MPZ: variants seen among roughly 807,000 people sequenced by gnomAD.
The protein encoded by MPZ is myelin protein P0.
A neutral mutation model predicts 27.9 loss-of-function variants in MPZ; 13 were observed. The ratio of observed to expected loss-of-function variants is 0.47; its 90% CI spans 0.30 to 0.74. MPZ has a LOEUF of 0.74. MPZ is among the 30% of genes least tolerant of loss of function. MPZ has a pLI of 0.06. For missense variants in MPZ, 256 were observed against 317.5 expected (o/e 0.81, Z 1.47); for synonymous variants, 118 against 128.9 (o/e 0.92, Z 0.57).
chr1:161,309,552 A>ATTTTTTTTTTTTTTTTTTTTTT (rs1215409194), intron 1 of MPZ, among the ~76,000 whole-genome samples: 2 of 80,662 alleles, frequency 2.5e-5, no homozygotes, highest in African/African-American at 5.8e-5. Flanking sequence ...ATATATATAT[A>ATTTTTTTTTTTTTTTTTTTTTT]TTTTTTTTTT....
chr1:161,307,236 C>T, intron 2 of MPZ, 22 bp downstream of exon 2: 2 of 1,614,158 alleles, frequency 1.2e-6, no homozygotes, highest in Admixed American at 1.7e-5. Flanking sequence ...TATCCAACCC[C>T]AGGATTCCCC....
intron 1 of MPZ, among the ~76,000 whole-genome samples, chr1:161,308,521 T>A (rs1462825811): frequency 6.6e-6 from 1 of 152,154 alleles, no homozygotes; most frequent in Admixed American, 6.5e-5. Context: ...AAAGTTCCAT[T>A]GTCTGACCAA....
In MPZ at chr1:161,306,893, T is replaced by A. The variant is rs1553259700; in HGVS notation, c.263A>T (p.Tyr88Phe). Residue 88 changes from tyrosine to phenylalanine, a missense_variant, in exon 3 of 6, where the codon TAC becomes TTC. Physicochemically the swap from Tyr to Phe is conservative, Grantham distance 22 (BLOSUM62 3). Around this residue, in one of 2 missense-constraint regions of MPZ, gnomAD observed 155 missense variants for 223.9 expected, o/e 0.69. Transcript: ENST00000533357. ...SIFHYAKGQPYIDEVGTFKER... is the reference protein window; with the variant it reads ...SIFHYAKGQPFIDEVGTFKER... ...TTTGAAGGTCCCCACCTCGTCAATG[T>A]AGGGTTGTCCCTTGGCATAGTGGAA... 1 of 1,613,384 alleles carries A rather than the reference T, an allele frequency of 6.2e-7. No individual in the cohort carries two copies. Among genetic ancestry groups the A allele is most frequent in the East Asian group, 2.2e-5 (1 of 44,828 alleles).
Position 161,306,778 on chromosome 1 carries a change from A to G in MPZ, c.378T>C (p.Thr126=), listed in dbSNP as rs1202048224. ...NLDYSDNGTF[T]CDVKNPPDIV... ...TGTCTGGAGGGTTTTTGACGTCACA[A>G]GTGAACGTGCCATTGTCACTGTAGT... The change falls in exon 3 of 6, where the codon ACT becomes ACC. Residue 126 remains threonine (T), a synonymous_variant. Coordinates refer to ENST00000533357, the MANE Select transcript of MPZ (RefSeq NM_000530.8). The G allele has an allele frequency of 6.2e-7, 1 of 1,614,072 alleles. No individual in the cohort carries two copies. The highest frequency in any genetic ancestry group is 8.5e-7 in the Non-Finnish European group (1 of 1,180,024).
At position 161,306,409 on chromosome 1, in the gene MPZ, C is replaced by T. The variant is rs145592910; in HGVS notation, c.504G>A (p.Val168=). The T allele has an allele frequency of 1.3e-4, 206 of 1,614,198 alleles. No individual in the cohort carries two copies. The African/African-American group carries it at 2.5e-3, about 20-fold the overall frequency. ...AGAAAAGCAGCAGCAGCAACAGCACCACCCCGAGGACACCCCCGATCACAG... is the reference window on the plus strand; with the variant it reads ...AGAAAAGCAGCAGCAGCAACAGCACTACCCCGAGGACACCCCCGATCACAG... ...LGAVIGGVLG[V]VLLLLLLFYV... is the part of the protein sequence containing the mutation. The change falls in exon 4 of 6, where the codon GTG becomes GTA. Residue 168 remains valine (V), a synonymous_variant. Coordinates refer to ENST00000533357, the MANE Select transcript of MPZ (RefSeq NM_000530.8).
In MPZ at chr1:161,305,845, AC is replaced by A; in HGVS notation, c.*30del. 1 of 1,529,526 alleles carries A rather than the reference AC, an allele frequency of 6.5e-7. No individual in the cohort carries two copies. Among genetic ancestry groups the A allele is most frequent in the Non-Finnish European group, 9.0e-7 (1 of 1,109,070 alleles). The allele number at this position is 1,529,526 out of a possible 1,614,324, so 94.7% of individuals were successfully genotyped here. ...GGGCCTTTGGCGGACTCCACCCCTAACCCCCGATCCCCCGCCCGGCCCGCTA... is the reference window on the plus strand; with the variant it reads ...GGGCCTTTGGCGGACTCCACCCCTAACCCCGATCCCCCGCCCGGCCCGCTA... On this transcript the variant is annotated 3_prime_UTR_variant, in exon 6 of 6. Transcript: ENST00000533357.
rs754052112 is a variant in MPZ at position 161,306,378 on chromosome 1, C to T, written c.535G>A (p.Val179Ile). Residue 179 changes from valine (V) to isoleucine (I), a missense_variant, in exon 4 of 6, where the codon GTT (valine) becomes ATT (isoleucine). Transcript: ENST00000533357. The stretch of plus-strand genomic sequence containing the variant: ...TGCCTGCGTAGCCAGCAGTACCGAA[C>T]CACGTAGAAAAGCAGCAGCAGCAAC... ...VLLLLLLFYV[V>I]RYCWLRRQAA... The T allele has an allele frequency of 6.2e-7, 1 of 1,614,196 alleles. No individual in the cohort carries two copies. Among genetic ancestry groups the T allele is most frequent in the Non-Finnish European group, 8.5e-7 (1 of 1,180,042 alleles).
Position 161,305,467 on chromosome 1 carries a change from T to G in MPZ, c.*409A>C. On this transcript the variant is annotated 3_prime_UTR_variant, in exon 6 of 6. Transcript: ENST00000533357. ...CCAAACACACAGCCCCCGGGGCAGG[T>G]GAGGGGTAGGATTAGCTCCTGGGCT... is the stretch of plus-strand genomic sequence containing the variant. The G allele has an allele frequency of 5.0e-6, 1 of 200,184 alleles. No individual in the cohort carries two copies. The highest frequency in any genetic ancestry group is 1.0e-5 in the Non-Finnish European group (1 of 96,140). 12.4% of individuals were successfully genotyped at this position (200,184 alleles called of 1,614,324 possible).
intron 2 of MPZ, 104 bp from the exon 3 acceptor site, chr1:161,307,025 A>AAAAAAAAAAAAAAAAAAAAAAAAC: frequency 1.0e-6 from 1 of 997,526 alleles, no homozygotes; most frequent in Non-Finnish European, 1.4e-6. Context: ...AAAAAAAAAA[A>AAAAAAAAAAAAAAAAAAAAAAAAC]AAAAAAAAAA....
At chr1:161,307,225 T>C (rs1462775601) in intron 2 of MPZ, 33 bp downstream of exon 2, 2 of 1,613,888 alleles carry the variant, frequency 1.2e-6, no homozygotes, top group African/African-American at 2.7e-5. Context: ...GCACTTTCTG[T>C]TATCCAACCC....
At chr1:161,309,464 C>T (rs1475616337) in intron 1 of MPZ, among the ~76,000 whole-genome samples, 1 of 151,242 alleles carries the variant, frequency 6.6e-6, no homozygotes. Context: ...AAGCTTGCTA[C>T]ACTCTCTTTT....
intron 4 of MPZ, 37 bp from the exon 5 acceptor site, chr1:161,306,205 C>G: frequency 1.2e-6 from 2 of 1,613,350 alleles, no homozygotes; most frequent in South Asian, 1.1e-5. Flanking sequence ...TTGGCCTCGC[C>G]GGAACCCCTT....
chr1:161,305,220 C>T lies in MPZ; in HGVS notation c.*656G>A, dbSNP rs1169460645. ...TGGATTAAAAAATAAAAAATAATAA[C>T]CTAAATAAACCCTGAAGGAGAGTCT... On this transcript the variant is annotated 3_prime_UTR_variant, in exon 6 of 6. Transcript: ENST00000533357. 6.5e-6 allele frequency: 1 copy of T among 152,824 alleles called. No individual in the cohort carries two copies. Among genetic ancestry groups the T allele is most frequent in the African/African-American group, 2.4e-5 (1 of 41,356 alleles). The allele number at this position is 152,824 out of a possible 1,614,324, so 9.5% of individuals were successfully genotyped here.
chr1:161,307,498 G>A, intron 1 of MPZ, 74 bp from the exon 2 acceptor site: 2 of 1,570,100 alleles, frequency 1.3e-6, no homozygotes, highest in Non-Finnish European at 1.7e-6. Flanking sequence ...AGATCAGTAG[G>A]AAATCAAGTG....
At position 161,309,954 on chromosome 1, in the gene MPZ, G is replaced by T. The variant is rs750777955; in HGVS notation, c.-49C>A. The T allele has an allele frequency of 7.0e-7, 1 of 1,426,074 alleles. No homozygotes were observed. Among genetic ancestry groups the T allele is most frequent in the Non-Finnish European group, 9.7e-7 (1 of 1,031,028 alleles). The allele number at this position is 1,426,074 out of a possible 1,614,324, so 88.3% of individuals were successfully genotyped here. On this transcript the variant is annotated 5_prime_UTR_variant, in exon 1 of 6. Coordinates refer to ENST00000533357, the MANE Select transcript of MPZ (RefSeq NM_000530.8). ...GGAGCATCTGTGGGGTTGAGAAAGT[G>T]GGGGACCAGGAACTGAACGGGGGGT...
rs891086949 is a variant in MPZ at position 161,305,242 on chromosome 1, G to A, written c.*634C>T. On this transcript the variant is annotated 3_prime_UTR_variant, in exon 6 of 6. Coordinates refer to ENST00000533357, the MANE Select transcript of MPZ (RefSeq NM_000530.8). ...TAACCTAAATAAACCCTGAAGGAGA[G>A]TCTGATCTGGGTGCTCTGGGTATTA... 4 of 153,276 alleles carry A rather than the reference G, an allele frequency of 2.6e-5. No homozygotes were observed. The highest frequency in any genetic ancestry group is 2.0e-4 in the Admixed American group (3 of 15,282). The allele number at this position is 153,276 out of a possible 1,614,324, so 9.5% of individuals were successfully genotyped here.
At chr1:161,304,420 G>A (rs1254945214), downstream of MPZ, among the ~76,000 whole-genome samples, 1 of 152,236 alleles carries the variant, frequency 6.6e-6, no homozygotes, top group African/African-American at 2.4e-5. Flanking sequence ...TCAGGTAACT[G>A]TCCTGGGGAT....
chr1:161,309,415 T>C lies in MPZ; in HGVS notation c.67+424A>G, dbSNP rs1670340327. ...TAGCATGGCTCTGGGGGCATGCTAC[T>C]ATTTCCAACCTGGGTCCAGCCATGG... On this transcript the variant is annotated intron_variant, in intron 1 of 5. Transcript: ENST00000533357. 2.0e-5 allele frequency among the ~76,000 whole-genome samples: 3 copies of C among 152,072 alleles called. No homozygotes were observed. In the South Asian group the frequency reaches 6.2e-4, roughly 32 times the overall value.
chr1:161,305,566 C>A lies in MPZ; in HGVS notation c.*310G>T. On this transcript the variant is annotated 3_prime_UTR_variant, in exon 6 of 6. Transcript: ENST00000533357. ...ATGAATTCTGGAATGAAACTTACATCTCAAAGGGAGGTGAGGGCAGGGCAG... is the reference window on the plus strand; with the variant it reads ...ATGAATTCTGGAATGAAACTTACATATCAAAGGGAGGTGAGGGCAGGGCAG... 2.4e-6 allele frequency: 1 copy of A among 412,504 alleles called. No individual in the cohort carries two copies. The highest frequency in any genetic ancestry group is 4.4e-6 in the Non-Finnish European group (1 of 227,884). 25.6% of individuals were successfully genotyped at this position (412,504 alleles called of 1,614,324 possible).
Sources: gnomAD v4.1 joint callset for allele counts (sites outside exome capture counted in the v4.1 genomes callset) on GRCh38, gnomAD v4.1.1 for gene constraint, gnomAD v4.1.1 regional missense constraint, MANE v1.5 for transcripts, NCBI Gene and HGNC (gene_info 2026-07-23, HGNC 2026-07-21) for gene names.